Variants in TAF5 observed in about 807,000 individuals in gnomAD.
TAF5 encodes the protein transcription initiation factor TFIID subunit 5.
In TAF5, 20 loss-of-function variants were observed where a neutral mutation model predicts 80.9. The observed-to-expected ratio is 0.25, with a 90% confidence interval of 0.17 to 0.36. The LOEUF is 0.36. Ranked by LOEUF, TAF5 falls within the 10% of genes least tolerant of loss-of-function variation. The pLI is 1.00. For synonymous variants in TAF5, 388 were observed against 406.4 expected, an observed-to-expected ratio of 0.95 and a Z score of 0.55; for missense variants, 863 against 1,029.4, an observed-to-expected ratio of 0.84 and a Z score of 2.21.
intron 6 of TAF5, 29 bp from the exon 7 acceptor site, chr10:103,383,208 TA>T: frequency 6.6e-7 from 1 of 1,525,916 alleles, no homozygotes; most frequent in Non-Finnish European, 8.8e-7. Context: ...AATGTACTTA[TA>T]AAATATCAAT....
At position 103,388,215 on chromosome 10, in the gene TAF5, C is replaced by T. The variant is rs780026179; in HGVS notation, c.2395C>T (p.Pro799Ser). The T allele has an allele frequency of 6.2e-7, 1 of 1,611,950 alleles. No individual in the cohort carries two copies. Among genetic ancestry groups the T allele is most frequent in the Non-Finnish European group, 8.5e-7 (1 of 1,179,318 alleles). The change falls in exon 11 of 11, where the codon CCA becomes TCA. Residue 799 changes from proline (P) to serine (S), a missense_variant. This residue lies in a region of TAF5 where 368 missense variants were observed against 461.7 expected (regional missense o/e 0.80). Transcript: ENST00000369839. Reference sequence around the variant, plus strand: ...GGTTCTAGCTGCAGGAGCTTATAGTCCACAATAAACCATCGGTATTAAAGA... The same window carrying T: ...GGTTCTAGCTGCAGGAGCTTATAGTTCACAATAAACCATCGGTATTAAAGA... Reference protein sequence around the residue: ...NLVLAAGAYSPQ With the variant: ...NLVLAAGAYSSQ
At chr10:103,375,547 T>C (rs953852463) in intron 2 of TAF5, among the ~76,000 whole-genome samples, 3 of 152,152 alleles carry the variant, frequency 2.0e-5, no homozygotes, top group African/African-American at 7.2e-5. Context: ...GTAGATGATA[T>C]ATGAGAGCTC....
Position 103,373,581 on chromosome 10 carries a change from G to A in TAF5, c.783G>A (p.Lys261=). 1 of 1,612,470 alleles carries A rather than the reference G, an allele frequency of 6.2e-7. No individual in the cohort carries two copies. Among genetic ancestry groups the A allele is most frequent in the Non-Finnish European group, 8.5e-7 (1 of 1,178,880 alleles). ...ACAATCAACATGAGAATGAAGCAAA[G>A]TCATTCTTTGAGAAGTATGTAAATT... ...LVYNQHENEA[K]SFFEKFHGDQ... Residue 261 remains lysine, a synonymous_variant, in exon 2 of 11, where the codon AAG becomes AAA. Coordinates refer to ENST00000369839, the MANE Select transcript of TAF5 (RefSeq NM_006951.5).
At chr10:103,380,048 C>G (rs1318300137) in intron 5 of TAF5, 29 bp downstream of exon 5, 1 of 1,605,054 alleles carries the variant, frequency 6.2e-7, no homozygotes, top group Non-Finnish European at 8.5e-7. Flanking sequence ...CGATTTCTGC[C>G]TGGAGAGTCA....
chr10:103,381,963 A>G (rs1302520017), intron 6 of TAF5, 122 bp downstream of exon 6: 1 of 1,360,574 alleles, frequency 7.3e-7, no homozygotes, highest in African/African-American at 1.4e-5. Flanking sequence ...CTTTAACTCA[A>G]GATTCTAACA....
Position 103,378,990 on chromosome 10 carries a change from A to G in TAF5, c.1113+440A>G, listed in dbSNP as rs1171181031. The stretch of plus-strand genomic sequence containing the variant: ...GAAACAATTTTATACTGTATATAAA[A>G]TTTTGTGTTCTAAGGGTGATGTTTA... On this transcript the variant is annotated intron_variant, in intron 3 of 10. Transcript: ENST00000369839. The surrounding 1 kb of genome is among the most constrained non-coding windows in gnomAD (Gnocchi z 4.1). 6.6e-6 allele frequency among the ~76,000 whole-genome samples: 1 copy of G among 152,190 alleles called. No individual in the cohort carries two copies. The highest frequency in any genetic ancestry group is 1.5e-5 in the Non-Finnish European group (1 of 68,038).
intron 1 of TAF5, among the ~76,000 whole-genome samples, chr10:103,369,991 G>A (rs2093355416): frequency 6.6e-6 from 1 of 151,990 alleles, no homozygotes; most frequent in Non-Finnish European, 1.5e-5. Context: ...CAGCACTTTG[G>A]GAGGCTGAGG....
Position 103,368,159 on chromosome 10 carries a change from C to T in TAF5, c.170C>T (p.Thr57Ile). 7.2e-7 allele frequency: 1 copy of T among 1,395,530 alleles called. No homozygotes were observed. Among genetic ancestry groups the T allele is most frequent in the Non-Finnish European group, 9.3e-7 (1 of 1,075,754 alleles). The allele number at this position is 1,395,530 out of a possible 1,614,324, so 86.4% of individuals were successfully genotyped here. A position where few individuals can be genotyped will look rare whatever the true frequency, so the allele number is the denominator to read the frequency against. ...GGGAACGTTGCGGCGTCGTCGTCCA[C>T]TGGCGGGGATGGCGGGACCCCCAAG... ...GGGNVAASSS[T>I]GGDGGTPKPT... Residue 57 changes from threonine to isoleucine, a missense_variant, in exon 1 of 11, where the codon ACT becomes ATT. Physicochemically the swap from Thr to Ile is moderately conservative, Grantham distance 89. This residue lies in a region of TAF5 where 367 missense variants were observed against 335.5 expected (regional missense o/e 1.09). Coordinates refer to ENST00000369839, the MANE Select transcript of TAF5 (RefSeq NM_006951.5).
intron 2 of TAF5, among the ~76,000 whole-genome samples, chr10:103,377,678 ATT>A (rs1408636078): frequency 1.3e-5 from 2 of 152,210 alleles, no homozygotes; most frequent in Non-Finnish European, 2.9e-5. Context: ...AAGTATTGAT[ATT>A]TTAAAAATGT....
At chr10:103,387,075 C>T in intron 8 of TAF5, 100 bp from the exon 9 acceptor site, 1 of 1,231,778 alleles carries the variant, frequency 8.1e-7, no homozygotes, top group East Asian at 2.5e-5. Flanking sequence ...TCAGAACTAA[C>T]TTTTTATGTG....
chr10:103,386,756 T>G (rs937569329), intron 8 of TAF5, among the ~76,000 whole-genome samples: 4 of 150,588 alleles, frequency 2.7e-5, no homozygotes, highest in African/African-American at 9.7e-5. Flanking sequence ...CTCTACCTCC[T>G]GGGTTCAAGC....
intron 2 of TAF5, 35 bp downstream of exon 2, chr10:103,373,630 A>ACAC: frequency 1.4e-6 from 2 of 1,471,942 alleles, no homozygotes; most frequent in Non-Finnish European, 1.9e-6. Context: ...ATATACACAC[A>ACAC]TACGTAGTGT....
In TAF5 at chr10:103,388,106, T is replaced by C; in HGVS notation, c.2286T>C (p.Pro762=). ...FTTATGHINL[P]ENSQELLLGT... ...CAGCCACTGGGCATATAAATTTACC[T>C]GAGAATTCACAGGAGTTATTGTTGG... Residue 762 remains proline, a synonymous_variant, in exon 11 of 11, where the codon CCT becomes CCC. Transcript: ENST00000369839. 1.2e-6 allele frequency: 2 copies of C among 1,614,066 alleles called. No individual in the cohort carries two copies. The highest frequency in any genetic ancestry group is 1.7e-6 in the Non-Finnish European group (2 of 1,179,950).
chr10:103,383,577 C>CTTTT (rs147178642), intron 7 of TAF5, among the ~76,000 whole-genome samples: 15 of 129,138 alleles, frequency 1.2e-4, no homozygotes, highest in South Asian at 2.4e-4. Context: ...TGTATACTCA[C>CTTTT]TTTTTTTTTT....
Position 103,379,971 on chromosome 10 carries a change from G to T in TAF5, c.1365G>T (p.Pro455=), listed in dbSNP as rs144616493. The T allele has an allele frequency of 4.4e-4, 707 of 1,613,904 alleles. No individual in the cohort carries two copies. The highest frequency in any genetic ancestry group is 5.5e-4 in the Non-Finnish European group (648 of 1,179,958). ...CCACCAAACGAGTGCGCCTTGGGCC[G>T]GACTGCTTACCCTCCATTTGTTTCT... ...KETTKRVRLG[P]DCLPSICFYT... The change falls in exon 5 of 11, where the codon CCG becomes CCT. Residue 455 remains proline (P), a synonymous_variant. Coordinates refer to ENST00000369839, the MANE Select transcript of TAF5 (RefSeq NM_006951.5).
chr10:103,372,394 G>GCGCGATCTCGGCTCACTGCATCCTC lies in TAF5; in HGVS notation c.560-962_560-938dup, dbSNP rs1354940107. Among the ~76,000 whole-genome samples the GCGCGATCTCGGCTCACTGCATCCTC allele has an allele frequency of 1.1e-3, 167 of 151,294 alleles. 1 individual carries two copies. Among genetic ancestry groups the GCGCGATCTCGGCTCACTGCATCCTC allele is most frequent in the African/African-American group, 4.0e-3 (163 of 41,258 alleles). ...CTGTCGCCCAGGCTGGAGTGCAGTG[G>GCGCGATCTCGGCTCACTGCATCCTC]CGCGATCTCGGCTCACTGCATCCTC... On this transcript the variant is annotated intron_variant, in intron 1 of 10. Coordinates refer to ENST00000369839, the MANE Select transcript of TAF5 (RefSeq NM_006951.5).
intron 5 of TAF5, 83 bp from the exon 6 acceptor site, chr10:103,381,638 A>G (rs1348122416): frequency 5.1e-6 from 7 of 1,384,506 alleles, no homozygotes; most frequent in Non-Finnish European, 7.1e-6. Flanking sequence ...GATATTTAGT[A>G]TAGTGTGAAA....
rs147661816 is a variant in TAF5, at chr10:103,373,398, C to T, written c.600C>T (p.Ala200=). The change falls in exon 2 of 11, where the codon GCC becomes GCT. Residue 200 remains alanine (A), a synonymous_variant. Transcript: ENST00000369839. The part of the protein sequence containing the change: ...VAVEDQPDVS[A]VLSAYNQQGD... ...TGGAAGACCAGCCAGATGTCAGTGC[C>T]GTGTTGTCAGCCTACAACCAACAAG... The T allele has an allele frequency of 4.3e-6, 7 of 1,613,852 alleles. No individual in the cohort carries two copies. The highest frequency in any genetic ancestry group is 1.7e-5 in the Admixed American group (1 of 59,974).
rs1257342659 is a variant in TAF5, at chr10:103,388,686, CT to C, written c.*472del. ...AAAACTATGTTAAATGATCCACTAACTTTTTTTTTCTTGGCCCATGATTAAT... is the reference window on the plus strand; with the variant it reads ...AAAACTATGTTAAATGATCCACTAACTTTTTTTTCTTGGCCCATGATTAAT... On this transcript the variant is annotated 3_prime_UTR_variant, in exon 11 of 11. Coordinates refer to ENST00000369839, the MANE Select transcript of TAF5 (RefSeq NM_006951.5). The C allele has an allele frequency of 5.2e-5, 8 of 154,328 alleles. No individual in the cohort carries two copies. The highest frequency in any genetic ancestry group is 2.6e-4 in the Admixed American group (4 of 15,574). 9.6% of individuals were successfully genotyped at this position (154,328 alleles called of 1,614,324 possible).
Sources: gnomAD v4.1 joint callset for allele counts (sites outside exome capture counted in the v4.1 genomes callset) on GRCh38, gnomAD v4.1.1 for gene constraint, gnomAD v4.1.1 regional missense constraint, Gnocchi (gnomAD v3.1) non-coding constraint, MANE v1.5 for transcripts, NCBI Gene and HGNC (gene_info 2026-07-23, HGNC 2026-07-21) for gene names.